The following PRDM11 variants were observed in gnomAD, a reference collection of about 807,000 sequenced individuals.
The protein encoded by PRDM11 is PR domain-containing protein 11.
PRDM11 carries 20 observed loss-of-function variants against 97.8 expected under a neutral mutation model. The ratio of observed to expected loss-of-function variants is 0.20; its 90% CI spans 0.14 to 0.30. The LOEUF (loss-of-function observed/expected upper bound fraction) is 0.30. Ranked by LOEUF, PRDM11 falls within the 10% of genes least tolerant of loss-of-function variation. The pLI, the probability that PRDM11 is intolerant of heterozygous loss-of-function variation, is 1.00. For missense variants in PRDM11, 1,139 were observed against 1,555.2 expected, an observed-to-expected ratio of 0.73 and a Z score of 4.50; for synonymous variants, 599 against 637.7, an observed-to-expected ratio of 0.94 and a Z score of 0.91.
upstream of PRDM11, chr11:45,095,699 T>C: frequency 1.5e-6 from 1 of 661,048 alleles, no homozygotes; most frequent in South Asian, 1.8e-5. Context: ...GGGAAAGGCA[T>C]TCTCTTTTTA....
chr11:45,219,776 A>T lies in PRDM11; in HGVS notation c.742+19A>T. ...GCCAGAGGTGAGTGCCATGCTCCAC[A>T]TGAGCTGCGCCCACCTCTGAGCCCC... On this transcript the variant is annotated intron_variant, in intron 6 of 7. Transcript: ENST00000683152. This position sits in a 1 kb window ranked among gnomAD's most constrained non-coding sequence, Gnocchi z 4.2. 1.2e-6 allele frequency: 2 copies of T among 1,606,778 alleles called. No homozygotes were observed. Among genetic ancestry groups the T allele is most frequent in the Non-Finnish European group, 1.7e-6 (2 of 1,175,928 alleles).
chr11:45,228,827 G>A lies in PRDM11; in HGVS notation c.*668G>A, dbSNP rs994221957. ...CAAACAAAAGTGTCGGTCAAACTGT[G>A]ACACTGCCACACCTCACCTCTGTTG... On this transcript the variant is annotated 3_prime_UTR_variant, in exon 8 of 8. Transcript: ENST00000683152. 2.0e-5 allele frequency: 3 copies of A among 152,130 alleles called. No individual in the cohort carries two copies. Among genetic ancestry groups the A allele is most frequent in the African/African-American group, 7.2e-5 (3 of 41,400 alleles). 9.4% of individuals were successfully genotyped at this position (152,130 alleles called of 1,614,324 possible).
At chr11:45,215,144 T>C (rs899407338) in intron 5 of PRDM11, among the ~76,000 whole-genome samples, 1 of 152,204 alleles carries the variant, frequency 6.6e-6, no homozygotes, top group Non-Finnish European at 1.5e-5. Context: ...CCTGGAGGCA[T>C]GACCCTCCCC....
chr11:45,122,126 AAGTT>A (rs1353333787), intron 1 of PRDM11, among the ~76,000 whole-genome samples: 1 of 151,784 alleles, frequency 6.6e-6, no homozygotes, highest in Non-Finnish European at 1.5e-5. Context: ...GCAAAGATAA[AAGTT>A]AGGCCTTTAA....
rs1462574762 is a variant in PRDM11, at chr11:45,226,572, G to A, written c.1947G>A (p.Val649=). 5.9e-6 allele frequency: 9 copies of A among 1,533,828 alleles called. No homozygotes were observed. Among genetic ancestry groups the A allele is most frequent in the Non-Finnish European group, 7.8e-6 (9 of 1,146,740 alleles). Residue 649 remains valine (V), a synonymous_variant, in exon 8 of 8, where the codon GTG becomes GTA. Transcript: ENST00000683152. The part of the protein sequence containing the change: ...HIARALREDL[V]ERIRQSPCLS... ...CCCGGGCCCTGCGGGAAGACCTGGT[G>A]GAGCGCATCCGCCAGTCACCTTGCC...
intron 6 of PRDM11, among the ~76,000 whole-genome samples, chr11:45,222,749 C>T (rs1854154498): frequency 6.6e-6 from 1 of 152,210 alleles, no homozygotes; most frequent in African/African-American, 2.4e-5. Flanking sequence ...AACATCTGGA[C>T]TGCTTATTGG....
chr11:45,111,811 C>T (rs913605497), intron 1 of PRDM11, among the ~76,000 whole-genome samples: 2 of 152,172 alleles, frequency 1.3e-5, no homozygotes, highest in Non-Finnish European at 2.9e-5. Flanking sequence ...GTGCCTCCTG[C>T]CACTGAACTG....
intron 1 of PRDM11, among the ~76,000 whole-genome samples, chr11:45,117,682 G>A (rs1852334139): frequency 6.6e-6 from 1 of 152,164 alleles, no homozygotes; most frequent in Non-Finnish European, 1.5e-5. Flanking sequence ...AGGAGTCTAA[G>A]GCTTCAGTGA....
chr11:45,189,721 G>T (rs192320832), intron 4 of PRDM11, among the ~76,000 whole-genome samples: 3 of 152,160 alleles, frequency 2.0e-5, no homozygotes, highest in African/African-American at 7.2e-5. Context: ...GAAAGTGGAC[G>T]TGCCAGAGCT....
chr11:45,123,787 C>T (rs1168130662), intron 1 of PRDM11, among the ~76,000 whole-genome samples: 35 of 151,992 alleles, frequency 2.3e-4, no homozygotes, highest in Admixed American at 1.3e-3. Flanking sequence ...GTGATGCCTC[C>T]GGCTTTGTTC....
At chr11:45,218,505 T>A (rs1854020615) in intron 5 of PRDM11, among the ~76,000 whole-genome samples, 1 of 152,274 alleles carries the variant, frequency 6.6e-6, no homozygotes, top group South Asian at 2.1e-4. Context: ...TATAATTCAT[T>A]GGGCTACACC....
chr11:45,137,521 C>A (rs1285187599), intron 1 of PRDM11, among the ~76,000 whole-genome samples: 1 of 152,098 alleles, frequency 6.6e-6, no homozygotes, highest in Non-Finnish European at 1.5e-5. Flanking sequence ...GAGGCCAAGG[C>A]AGGAGAATTG....
chr11:45,154,762 T>C (rs1299113077), intron 1 of PRDM11, among the ~76,000 whole-genome samples: 1 of 152,212 alleles, frequency 6.6e-6, no homozygotes, highest in Non-Finnish European at 1.5e-5. Flanking sequence ...CCCAGGCAGG[T>C]TGGCTCTTAA....
intron 1 of PRDM11, among the ~76,000 whole-genome samples, chr11:45,137,750 AAG>A (rs1260682377): frequency 2.0e-5 from 3 of 152,280 alleles, no homozygotes; most frequent in East Asian, 1.9e-4. Context: ...CCTGTAAAGA[AAG>A]AGAGAAAATA....
At chr11:45,113,788 TTGTGTGTGTGTGTGTGTGTGTGTG>T (rs142584346) in intron 1 of PRDM11, among the ~76,000 whole-genome samples, 1 of 137,202 alleles carries the variant, frequency 7.3e-6, no homozygotes, top group South Asian at 2.3e-4. Flanking sequence ...TGCTACTGAT[TTGTGTGTGTGTGTGTGTGTGTGTG>T]TGTGTGTGTG....
At chr11:45,148,640 T>G (rs1017027660) in intron 1 of PRDM11, among the ~76,000 whole-genome samples, 1 of 152,196 alleles carries the variant, frequency 6.6e-6, no homozygotes. Flanking sequence ...ACCTCTGCAC[T>G]TATGGACTCA....
At chr11:45,145,850 CTG>C (rs976894595), upstream of PRDM11, among the ~76,000 whole-genome samples, 4 of 152,196 alleles carry the variant, frequency 2.6e-5, no homozygotes, top group African/African-American at 4.8e-5. Flanking sequence ...CTCAAGCACT[CTG>C]TGACAATTCC....
intron 1 of PRDM11, among the ~76,000 whole-genome samples, chr11:45,130,000 C>G (rs1459691691): frequency 6.6e-6 from 1 of 152,104 alleles, no homozygotes; most frequent in Non-Finnish European, 1.5e-5. Context: ...TGATTTTTGA[C>G]AGTGGTGCCA....
At chr11:45,223,785 G>A (rs186541293) in intron 6 of PRDM11, among the ~76,000 whole-genome samples, 1 of 152,306 alleles carries the variant, frequency 6.6e-6, no homozygotes, top group East Asian at 1.9e-4. Flanking sequence ...CCAAGTCGAA[G>A]CAGCCATCTT....
Sources: allele counts gnomAD v4.1 joint callset (sites outside exome capture counted in the v4.1 genomes callset), GRCh38; gene constraint gnomAD v4.1.1; non-coding constraint Gnocchi (gnomAD v3.1); transcripts MANE v1.5; gene names NCBI Gene and HGNC (gene_info 2026-07-23, HGNC 2026-07-21).